ANKRD30B: variants seen among roughly 807,000 people sequenced by gnomAD.
The protein encoded by ANKRD30B is ankyrin repeat domain-containing protein 30B.
A neutral mutation model predicts 202.2 loss-of-function variants in ANKRD30B; 144 were observed. The ratio of observed to expected loss-of-function variants is 0.71; its 90% CI spans 0.62 to 0.82. The LOEUF is 0.82. Ranked by LOEUF, ANKRD30B falls within the 40% of genes least tolerant of loss-of-function variation. The pLI, the probability that ANKRD30B is intolerant of heterozygous loss-of-function variation, is 0.00. For synonymous variants in ANKRD30B, 508 were observed against 561.3 expected, an observed-to-expected ratio of 0.91 and a Z score of 1.34; for missense variants, 1,487 against 1,669.1, an observed-to-expected ratio of 0.89 and a Z score of 1.90.
At chr18:14,843,553 CTG>C (rs56044501) in intron 39 of ANKRD30B, among the ~76,000 whole-genome samples, 3,883 of 145,336 alleles carry the variant, frequency 0.027, 115 homozygotes, top group African/African-American at 0.064. Context: ...AGCTTACTTT[CTG>C]TGTGTGTGTG....
chr18:14,778,502 C>T (rs924299526), intron 10 of ANKRD30B, among the ~76,000 whole-genome samples: 1 of 152,184 alleles, frequency 6.6e-6, no homozygotes, highest in Non-Finnish European at 1.5e-5. Context: ...TTACAGCAAA[C>T]ATGTTTTCAC....
At chr18:14,785,209 T>TA (rs932692838) in intron 14 of ANKRD30B, among the ~76,000 whole-genome samples, 3 of 152,232 alleles carry the variant, frequency 2.0e-5, no homozygotes, top group African/African-American at 7.2e-5. Flanking sequence ...AAACTATTCT[T>TA]ATGCATGTTT....
intron 34 of ANKRD30B, among the ~76,000 whole-genome samples, chr18:14,831,727 T>C (rs1048461009): frequency 6.6e-6 from 1 of 152,124 alleles, no homozygotes; most frequent in Non-Finnish European, 1.5e-5. Flanking sequence ...GCTGTAGAAA[T>C]ACATAGTGAC....
At chr18:14,829,385 G>C (rs1183391104) in intron 33 of ANKRD30B, among the ~76,000 whole-genome samples, 1 of 152,120 alleles carries the variant, frequency 6.6e-6, no homozygotes, top group African/African-American at 2.4e-5. Flanking sequence ...ATATCATCAT[G>C]TAAGTGAGTG....
At chr18:14,847,677 A>AG (rs1173771822) in intron 39 of ANKRD30B, among the ~76,000 whole-genome samples, 2 of 151,496 alleles carry the variant, frequency 1.3e-5, no homozygotes, top group Non-Finnish European at 2.9e-5. Context: ...AGTTACTTAT[A>AG]AACAGCTTGA....
chr18:14,844,719 A>G (rs1335715442), intron 39 of ANKRD30B, among the ~76,000 whole-genome samples: 2 of 152,128 alleles, frequency 1.3e-5, no homozygotes, highest in African/African-American at 4.8e-5. Flanking sequence ...AAGTTTTCCT[A>G]TTTCTCCACA....
At chr18:14,925,667 T>C in the ANKRD30B span, among the ~76,000 whole-genome samples, 2 of 152,142 alleles carry the variant, frequency 1.3e-5, no homozygotes, top group African/African-American at 2.4e-5. Flanking sequence ...AAGCTGACAG[T>C]GTTTCCAGGC....
intron 5 of ANKRD30B, 42 bp from the exon 6 acceptor site, chr18:14,760,512 T>A: frequency 9.0e-7 from 1 of 1,113,728 alleles, no homozygotes; most frequent in South Asian, 1.5e-5. Context: ...TTTTTATATC[T>A]TGTTAAAATA....
downstream of ANKRD30B, among the ~76,000 whole-genome samples, chr18:14,855,595 G>T (rs191612666): frequency 6.7e-6 from 1 of 150,182 alleles, no homozygotes; most frequent in Non-Finnish European, 1.5e-5. Flanking sequence ...CAGATGGGGC[G>T]GCTGGGAAGA....
At chr18:14,752,160 G>T (rs1416521881) in intron 1 of ANKRD30B, among the ~76,000 whole-genome samples, 1 of 152,098 alleles carries the variant, frequency 6.6e-6, no homozygotes, top group African/African-American at 2.4e-5. Flanking sequence ...TTACTTAGCT[G>T]TTACATGTAC....
intron 24 of ANKRD30B, among the ~76,000 whole-genome samples, chr18:14,806,028 G>A (rs961310839): frequency 6.7e-6 from 1 of 150,074 alleles, no homozygotes; most frequent in African/African-American, 2.5e-5. Flanking sequence ...AGACCATCCT[G>A]GCTAACACGG....
chr18:14,815,639 T>C (rs1194228939), intron 30 of ANKRD30B, among the ~76,000 whole-genome samples: 6 of 152,328 alleles, frequency 3.9e-5, no homozygotes, highest in Admixed American at 1.3e-4. Flanking sequence ...AGTATGTTTT[T>C]AGCCAGAGAA....
At chr18:14,869,866 A>G in the ANKRD30B span, among the ~76,000 whole-genome samples, 2 of 151,858 alleles carry the variant, frequency 1.3e-5, no homozygotes, top group African/African-American at 4.8e-5. Flanking sequence ...GTGGGGTCTC[A>G]CTCTGTCGCC....
Position 14,852,218 on chromosome 18 carries a change from T to C in ANKRD30B, c.4274T>C (p.Leu1425Pro). 2 of 1,586,946 alleles carry C rather than the reference T, an allele frequency of 1.3e-6. No individual in the cohort carries two copies. The highest frequency in any genetic ancestry group is 1.7e-6 in the Non-Finnish European group (2 of 1,166,132). ...TCTCTGGAGCAGAAATTATTTCAAC[T>C]AGAAAGCAAAAATAGGTGGCTTCGA... ...QESLEQKLFQ[L>P]ESKNRWLRQQ... Residue 1425 changes from leucine (L) to proline (P), a missense_variant, in exon 42 of 44, where the codon CTA becomes CCA. Leu to Pro is a moderately conservative substitution (Grantham distance 98, BLOSUM62 -3). Transcript: ENST00000690538.
At chr18:14,769,120 C>A (rs1346877702) in intron 7 of ANKRD30B, among the ~76,000 whole-genome samples, 1 of 152,136 alleles carries the variant, frequency 6.6e-6, no homozygotes, top group Non-Finnish European at 1.5e-5. Flanking sequence ...AGATCTGGAT[C>A]ATGCACGAAA....
intron 15 of ANKRD30B, among the ~76,000 whole-genome samples, chr18:14,788,451 A>T (rs1249339421): frequency 6.6e-6 from 1 of 152,046 alleles, no homozygotes; most frequent in African/African-American, 2.4e-5. Flanking sequence ...TGTGCAGTTT[A>T]GTTACATATG....
At chr18:14,914,657 A>G in the ANKRD30B span, among the ~76,000 whole-genome samples, 1 of 152,186 alleles carries the variant, frequency 6.6e-6, no homozygotes, top group Non-Finnish European at 1.5e-5. Context: ...GGTGAGGGGA[A>G]ATGAGGAAGT....
chr18:14,893,632 T>G, the ANKRD30B span, among the ~76,000 whole-genome samples: 2 of 151,966 alleles, frequency 1.3e-5, no homozygotes, highest in African/African-American at 4.8e-5. Flanking sequence ...AAAAAAGTAT[T>G]AACTATGAAA....
the ANKRD30B span, among the ~76,000 whole-genome samples, chr18:14,920,152 C>T: frequency 2.0e-5 from 3 of 152,226 alleles, no homozygotes; most frequent in African/African-American, 7.2e-5. Context: ...GACCATGTTG[C>T]CCCTTCCAGG....
Sources: allele counts gnomAD v4.1 joint callset (sites outside exome capture counted in the v4.1 genomes callset), GRCh38; gene constraint gnomAD v4.1.1; transcripts MANE v1.5; gene names NCBI Gene and HGNC (gene_info 2026-07-23, HGNC 2026-07-21).